Variants in ASAH2 observed in about 807,000 individuals in gnomAD.
ASAH2 encodes N-acylsphingosine amidohydrolase 2.
A neutral mutation model predicts 82.9 loss-of-function variants in ASAH2; 58 were observed. That is an observed-to-expected ratio of 0.70 (90% CI 0.57 to 0.87). The LOEUF is 0.87. Among genes scored for constraint, ASAH2 ranks in the 40% least tolerant of loss-of-function variants. The pLI, the probability that ASAH2 is intolerant of heterozygous loss-of-function variation, is 0.00. For synonymous variants in ASAH2, 276 were observed against 289.7 expected (o/e 0.95, Z 0.48); for missense variants, 779 against 834.0 (o/e 0.93, Z 0.81).
chr10:50,230,452 T>G (rs1845993586), intron 7 of ASAH2, among the ~76,000 whole-genome samples: 1 of 152,142 alleles, frequency 6.6e-6, no homozygotes, highest in South Asian at 2.1e-4. Flanking sequence ...GGTGAGTTAC[T>G]TAGCAGCCCA....
At position 50,187,911 on chromosome 10, in the gene ASAH2, A is replaced by G. The variant is rs1285075524; in HGVS notation, c.2154-407T>C. 1.4e-4 allele frequency among the ~76,000 whole-genome samples: 3 copies of G among 21,148 alleles called. 1 individual carries two copies. Among genetic ancestry groups the G allele is most frequent in the Non-Finnish European group, 1.5e-3 (2 of 1,342 alleles). 13.9% of individuals were successfully genotyped at this position (21,148 alleles called of 152,430 possible). A position where few individuals can be genotyped will look rare whatever the true frequency, so the allele number is the denominator to read the frequency against. On this transcript the variant is annotated intron_variant, in intron 20 of 20. Coordinates refer to ENST00000682911, the MANE Select transcript of ASAH2 (RefSeq NM_019893.4). ...TGTGTGTGTGTATATATATATATATATGTATATATATATATAGAAAATGAA... is the reference window on the plus strand; with the variant it reads ...TGTGTGTGTGTATATATATATATATGTGTATATATATATATAGAAAATGAA...
chr10:50,245,086 C>CT (rs1846411578), intron 3 of ASAH2, 136 bp downstream of exon 3: 1 of 782,176 alleles, frequency 1.3e-6, no homozygotes, highest in African/African-American at 1.7e-5. Flanking sequence ...ATTCATAGTG[C>CT]TAGACAGCAG....
chr10:50,214,969 A>G (rs1845556592), intron 8 of ASAH2, 101 bp from the exon 9 acceptor site: 14 of 1,442,780 alleles, frequency 9.7e-6, no homozygotes, highest in Admixed American at 6.0e-5. Flanking sequence ...AAACTATTCA[A>G]AATCATTTGC....
rs1292040034 is a variant in ASAH2 at position 50,218,462 on chromosome 10, T to C, written c.1014+48A>G. On this transcript the variant is annotated intron_variant, in intron 8 of 20. Coordinates refer to ENST00000682911, the MANE Select transcript of ASAH2 (RefSeq NM_019893.4). Reference sequence around the variant, plus strand: ...CCTCTTCTGAATGCAGCATGAATGATGACACTCAGTGAATCAAGATGAAGC... The same window carrying C: ...CCTCTTCTGAATGCAGCATGAATGACGACACTCAGTGAATCAAGATGAAGC... 7 of 1,612,850 alleles carry C rather than the reference T, an allele frequency of 4.3e-6. No individual in the cohort carries two copies. The East Asian group carries it at 8.9e-5, about 21-fold the overall frequency.
rs944821649 is a variant in ASAH2, at chr10:50,248,474, T to C, written c.127+10A>G. 17 of 1,613,114 alleles carry C rather than the reference T, an allele frequency of 1.1e-5. No homozygotes were observed. The highest frequency in any genetic ancestry group is 2.7e-5 in the African/African-American group (2 of 74,866). On this transcript the variant is annotated intron_variant, in intron 2 of 20. Transcript: ENST00000682911. ...TAAAAATTGCATCTAAGAGAGCCCATGACACTTGCCTTTGTGGTTTTCAAT... is the reference window on the plus strand; with the variant it reads ...TAAAAATTGCATCTAAGAGAGCCCACGACACTTGCCTTTGTGGTTTTCAAT...
intron 7 of ASAH2, among the ~76,000 whole-genome samples, chr10:50,226,102 A>G (rs1052801045): frequency 2.0e-5 from 3 of 152,150 alleles, no homozygotes; most frequent in African/African-American, 7.2e-5. Flanking sequence ...AAAAAAAAAA[A>G]AATGTTTATC....
chr10:50,199,248 A>T lies in ASAH2; in HGVS notation c.1762-102T>A, dbSNP rs1221263843. The T allele has an allele frequency of 7.0e-6, 8 of 1,147,686 alleles. No homozygotes were observed. In the African/African-American group the frequency reaches 1.1e-4, roughly 15 times the overall value. 71.1% of individuals were successfully genotyped at this position (1,147,686 alleles called of 1,614,324 possible). ...AGTGTGATGCTTGACATCTCACATT[A>T]TTCAAAACTGGCACAATCTTCAAGA... is the stretch of plus-strand genomic sequence containing the variant. On this transcript the variant is annotated intron_variant, in intron 16 of 20. Coordinates refer to ENST00000682911, the MANE Select transcript of ASAH2 (RefSeq NM_019893.4).
chr10:50,196,352 C>A (rs1379702470), intron 18 of ASAH2, among the ~76,000 whole-genome samples: 1 of 151,842 alleles, frequency 6.6e-6, no homozygotes, highest in Non-Finnish European at 1.5e-5. Context: ...CCTAAGGAAT[C>A]CAGACTCCCC....
At chr10:50,233,582 C>G (rs1025890060) in intron 6 of ASAH2, among the ~76,000 whole-genome samples, 15 of 152,078 alleles carry the variant, frequency 9.9e-5, no homozygotes, top group Admixed American at 8.5e-4. Flanking sequence ...CTACTCATAT[C>G]AATTTTTAAT....
intron 14 of ASAH2, 34 bp from the exon 15 acceptor site, chr10:50,203,713 C>T: frequency 1.2e-6 from 2 of 1,603,560 alleles, no homozygotes; most frequent in East Asian, 2.2e-5. Flanking sequence ...AAACGTTTTC[C>T]TACTAGACGT....
At chr10:50,223,247 A>C (rs1409430466) in intron 7 of ASAH2, among the ~76,000 whole-genome samples, 3 of 152,178 alleles carry the variant, frequency 2.0e-5, no homozygotes, top group African/African-American at 7.2e-5. Flanking sequence ...TTGGAGAAAA[A>C]GATCTCTAGT....
chr10:50,216,883 C>T (rs1189607049), intron 8 of ASAH2, among the ~76,000 whole-genome samples: 1 of 152,206 alleles, frequency 6.6e-6, no homozygotes, highest in Admixed American at 6.5e-5. Flanking sequence ...CTCTTCTTTT[C>T]CCTAAAATGC....
At chr10:50,244,642 G>A (rs1278419913) in intron 3 of ASAH2, among the ~76,000 whole-genome samples, 2 of 152,266 alleles carry the variant, frequency 1.3e-5, no homozygotes, top group Middle Eastern at 3.4e-3. Flanking sequence ...AGTTTTATTT[G>A]CTTTCACAGT....
chr10:50,250,790 G>A (rs556625082), intron 1 of ASAH2, among the ~76,000 whole-genome samples: 8 of 152,292 alleles, frequency 5.3e-5, no homozygotes, highest in African/African-American at 1.7e-4. Context: ...CTAGTTTTGC[G>A]TTGGTGAGCT....
intron 12 of ASAH2, among the ~76,000 whole-genome samples, chr10:50,208,864 A>G (rs1845380011): frequency 6.6e-6 from 1 of 152,170 alleles, no homozygotes; most frequent in Non-Finnish European, 1.5e-5. Flanking sequence ...CAATCTTGGA[A>G]GAGGAGGACA....
At chr10:50,247,079 G>A (rs1314890601) in intron 2 of ASAH2, among the ~76,000 whole-genome samples, 4 of 152,092 alleles carry the variant, frequency 2.6e-5, no homozygotes, top group African/African-American at 9.7e-5. Flanking sequence ...AAGAATAGTT[G>A]CTGTAATTAA....
rs1844746907 is a variant in ASAH2, at chr10:50,186,478, T to G, written c.*837A>C. 3 of 99,554 alleles carry G rather than the reference T, an allele frequency of 3.0e-5. 1 individual carries two copies. The highest frequency in any genetic ancestry group is 1.1e-4 in the African/African-American group (3 of 27,646). 6.2% of individuals were successfully genotyped at this position (99,554 alleles called of 1,614,324 possible). A position where few individuals can be genotyped will look rare whatever the true frequency, so the allele number is the denominator to read the frequency against. On this transcript the variant is annotated 3_prime_UTR_variant, in exon 21 of 21. Transcript: ENST00000682911. ...ACACTAATGGCAAAACTTTCTGGTT[T>G]GGGGTGAATTTGATTAATGAAAAGA...
intron 3 of ASAH2, 42 bp from the exon 4 acceptor site, chr10:50,243,393 C>G (rs1846360650): frequency 1.3e-6 from 2 of 1,592,012 alleles, no homozygotes; most frequent in South Asian, 1.1e-5. Context: ...GTCTCATTCC[C>G]CTGCTACTAG....
At position 50,248,714 on chromosome 10, in the gene ASAH2, C is replaced by T. The variant is rs902553728; in HGVS notation, c.-36-68G>A. The T allele has an allele frequency of 4.1e-6, 5 of 1,214,044 alleles. No individual in the cohort carries two copies. In the African/African-American group the frequency reaches 6.1e-5, roughly 15 times the overall value. The allele number at this position is 1,214,044 out of a possible 1,614,324, so 75.2% of individuals were successfully genotyped here. On this transcript the variant is annotated intron_variant, in intron 1 of 20. Coordinates refer to ENST00000682911, the MANE Select transcript of ASAH2 (RefSeq NM_019893.4). ...GCCAACCGAGGTTAAGATATCTTAGCTCTTTCATATTAATAGACTATACCA... is the reference window on the plus strand; with the variant it reads ...GCCAACCGAGGTTAAGATATCTTAGTTCTTTCATATTAATAGACTATACCA...
Sources: allele counts gnomAD v4.1 joint callset (sites outside exome capture counted in the v4.1 genomes callset), GRCh38; gene constraint gnomAD v4.1.1; transcripts MANE v1.5; gene names NCBI Gene and HGNC (gene_info 2026-07-23, HGNC 2026-07-21).